GLDN: variants seen among roughly 807,000 people sequenced by gnomAD.
GLDN encodes the protein gliomedin.
In GLDN, 47 loss-of-function variants were observed where a neutral mutation model predicts 56.5. That is an observed-to-expected ratio of 0.83 (90% CI 0.66 to 1.06). The LOEUF is 1.06. GLDN is among the 50% of genes least tolerant of loss of function. The pLI, the probability that GLDN is intolerant of heterozygous loss-of-function variation, is 0.00. For synonymous variants in GLDN, 332 were observed against 278.8 expected, an observed-to-expected ratio of 1.19 and a Z score of -1.90; for missense variants, 782 against 714.3, an observed-to-expected ratio of 1.09 and a Z score of -1.08.
Position 51,401,673 on chromosome 15 carries a change from C to A in GLDN, c.1108C>A (p.His370Asn), listed in dbSNP as rs1406096194. 9 of 1,614,120 alleles carry A rather than the reference C, an allele frequency of 5.6e-6. No homozygotes were observed. The highest frequency in any genetic ancestry group is 7.6e-6 in the Non-Finnish European group (9 of 1,179,960). Reference protein sequence around the residue: ...YTFIHLPYYFHGCGHVVYNNS... With the variant: ...YTFIHLPYYFNGCGHVVYNNS... ...GTTCATCCACCTTCCATACTATTTC[C>A]ATGGCTGTGGGCACGTTGTTTACAA... The change falls in exon 9 of 10, where the codon CAT becomes AAT. Residue 370 changes from histidine to asparagine, a missense_variant. His to Asn is a moderately conservative substitution (Grantham distance 68). Coordinates refer to ENST00000335449, the MANE Select transcript of GLDN (RefSeq NM_181789.4).
chr15:51,351,141 C>A, intron 1 of GLDN: 1 of 295,570 alleles, frequency 3.4e-6, no homozygotes, highest in South Asian at 3.8e-5. Context: ...TTATCTCCTC[C>A]CAGTTCAAAA....
intron 2 of GLDN, among the ~76,000 whole-genome samples, chr15:51,379,119 T>C (rs1406501756): frequency 6.6e-6 from 1 of 152,256 alleles, no homozygotes; most frequent in Non-Finnish European, 1.5e-5. Flanking sequence ...GGACAGATGC[T>C]ATGTGATTCT....
chr15:51,394,387 C>A (rs776402501), intron 4 of GLDN, among the ~76,000 whole-genome samples: 1 of 152,062 alleles, frequency 6.6e-6, no homozygotes, highest in Non-Finnish European at 1.5e-5. Flanking sequence ...CCGAGGCAGG[C>A]GGATCACCTG....
chr15:51,364,377 C>T (rs1457570986), intron 1 of GLDN, among the ~76,000 whole-genome samples: 2 of 152,016 alleles, frequency 1.3e-5, no homozygotes, highest in African/African-American at 4.8e-5. Context: ...CAAAATAAGC[C>T]CTGTACTTAT....
chr15:51,379,499 A>C (rs1172155001), intron 2 of GLDN, among the ~76,000 whole-genome samples: 1 of 152,234 alleles, frequency 6.6e-6, no homozygotes, highest in African/African-American at 2.4e-5. Context: ...CTAGGCAAAT[A>C]TCAATCACGG....
At chr15:51,385,554 A>C (rs1000254726) in intron 4 of GLDN, 3 of 152,198 alleles carry the variant, frequency 2.0e-5, no homozygotes, top group African/African-American at 7.2e-5. Context: ...AATAAATAGA[A>C]TATATGGTCT....
At chr15:51,355,146 C>A (rs1406134154) in intron 1 of GLDN, among the ~76,000 whole-genome samples, 1 of 152,120 alleles carries the variant, frequency 6.6e-6, no homozygotes. Context: ...TGAAAGCAAG[C>A]TTATTAGAAA....
chr15:51,397,515 G>C lies in GLDN; in HGVS notation c.734G>C (p.Gly245Ala). ...QGPPGPPGPP[G>A]PPGPPGPPGS... ...CCACCCGGTCCACCTGGGCCCCCAG[G>C]CCCTCCAGGTCCTCCAGGGCCCCCT... The change falls in exon 6 of 10, where the codon GGC becomes GCC. Residue 245 changes from glycine to alanine, a missense_variant. Gly to Ala is a moderately conservative substitution (Grantham distance 60). Transcript: ENST00000335449. 1 of 1,589,814 alleles carries C rather than the reference G, an allele frequency of 6.3e-7. No individual in the cohort carries two copies. The highest frequency in any genetic ancestry group is 1.1e-5 in the South Asian group (1 of 87,688).
chr15:51,362,447 T>G (rs1177874521), intron 1 of GLDN, among the ~76,000 whole-genome samples: 1 of 145,956 alleles, frequency 6.9e-6, no homozygotes, highest in African/African-American at 2.5e-5. Flanking sequence ...ATTGTGCCAC[T>G]GCACTTCAGC....
intron 1 of GLDN, among the ~76,000 whole-genome samples, chr15:51,356,705 C>T (rs948137061): frequency 6.6e-6 from 1 of 152,150 alleles, no homozygotes; most frequent in Non-Finnish European, 1.5e-5. Context: ...CATCTCAGTT[C>T]CCTCAGCTTT....
intron 1 of GLDN, among the ~76,000 whole-genome samples, chr15:51,365,991 G>T (rs1242457042): frequency 6.6e-6 from 1 of 152,182 alleles, no homozygotes; most frequent in Non-Finnish European, 1.5e-5. Context: ...CTCACAAATA[G>T]GCAATTCGCT....
At chr15:51,368,584 C>T (rs2037453423) in intron 1 of GLDN, among the ~76,000 whole-genome samples, 1 of 150,846 alleles carries the variant, frequency 6.6e-6, no homozygotes, top group African/African-American at 2.4e-5. Flanking sequence ...CAGCTGCATA[C>T]AAGATATAAA....
chr15:51,373,715 A>G (rs2037563186), intron 1 of GLDN, among the ~76,000 whole-genome samples: 1 of 152,158 alleles, frequency 6.6e-6, no homozygotes, highest in South Asian at 2.1e-4. Context: ...ATGGGCAGGG[A>G]GGGGGAGAGC....
chr15:51,365,938 C>G (rs569039439), intron 1 of GLDN, among the ~76,000 whole-genome samples: 11 of 152,280 alleles, frequency 7.2e-5, no homozygotes, highest in African/African-American at 2.4e-4. Context: ...ATAAAAAGAG[C>G]CTGTCCCCTT....
At chr15:51,399,586 T>C (rs1288903225) in intron 6 of GLDN, among the ~76,000 whole-genome samples, 1 of 152,190 alleles carries the variant, frequency 6.6e-6, no homozygotes, top group African/African-American at 2.4e-5. Flanking sequence ...AGGACCTGTG[T>C]TTCTCTAGGC....
intron 1 of GLDN, among the ~76,000 whole-genome samples, chr15:51,367,043 T>C (rs939824561): frequency 1.7e-4 from 26 of 152,338 alleles, no homozygotes; most frequent in African/African-American, 6.0e-4. Flanking sequence ...GTAAATACTG[T>C]CACCTTTCCT....
chr15:51,387,614 C>G (rs1391613280), intron 4 of GLDN, among the ~76,000 whole-genome samples: 1 of 152,078 alleles, frequency 6.6e-6, no homozygotes, highest in Admixed American at 6.5e-5. Flanking sequence ...ATTGCTGTGA[C>G]TGTAGAGAAG....
At chr15:51,409,057 C>T (rs932267826), downstream of GLDN, among the ~76,000 whole-genome samples, 5 of 120,874 alleles carry the variant, frequency 4.1e-5, no homozygotes, top group African/African-American at 1.6e-4. Flanking sequence ...ATAAGAACAA[C>T]AGGGGCTGCT....
intron 5 of GLDN, among the ~76,000 whole-genome samples, chr15:51,396,350 T>G (rs998965067): frequency 1.3e-5 from 2 of 152,186 alleles, no homozygotes; most frequent in Non-Finnish European, 2.9e-5. Flanking sequence ...GTTATTGCCA[T>G]CAGGGGCATT....
Sources: allele counts gnomAD v4.1 joint callset (sites outside exome capture counted in the v4.1 genomes callset), GRCh38; gene constraint gnomAD v4.1.1; transcripts MANE v1.5; gene names NCBI Gene and HGNC (gene_info 2026-07-23, HGNC 2026-07-21).